Variants in GPC5 observed in about 807,000 individuals in gnomAD.
GPC5 encodes the protein glypican-5.
GPC5 carries 47 observed loss-of-function variants against 53.9 expected under a neutral mutation model. The observed-to-expected ratio is 0.87, with a 90% CI of 0.69 to 1.11. The LOEUF (loss-of-function observed/expected upper bound fraction) is 1.11. GPC5 is among the 50% of genes most tolerant of loss of function. The pLI is 0.00. For synonymous variants in GPC5, 286 were observed against 263.3 expected (o/e 1.09, Z -0.84); for missense variants, 748 against 713.1 (o/e 1.05, Z -0.56).
At chr13:92,035,705 T>G (rs1014240009) in intron 6 of GPC5, among the ~76,000 whole-genome samples, 1 of 151,566 alleles carries the variant, frequency 6.6e-6, no homozygotes, top group Admixed American at 6.6e-5. Context: ...TTCAAAAAAT[T>G]TCTTAAAATG....
intron 7 of GPC5, among the ~76,000 whole-genome samples, chr13:92,290,847 G>T (rs1441678961): frequency 6.6e-6 from 1 of 152,196 alleles, no homozygotes; most frequent in South Asian, 2.1e-4. Context: ...GGGTTGGCCA[G>T]GGCTGGAGCT....
chr13:91,538,185 C>G (rs1886675309), intron 2 of GPC5, among the ~76,000 whole-genome samples: 1 of 152,208 alleles, frequency 6.6e-6, no homozygotes, highest in Admixed American at 6.5e-5. Context: ...CCACTTCATT[C>G]TATCTAACCA....
At chr13:92,346,899 C>T (rs1199894357) in intron 7 of GPC5, among the ~76,000 whole-genome samples, 1 of 151,950 alleles carries the variant, frequency 6.6e-6, no homozygotes, top group Non-Finnish European at 1.5e-5. Context: ...AATGATTGAA[C>T]TGAAAAATTA....
intron 4 of GPC5, among the ~76,000 whole-genome samples, chr13:91,752,125 CTCTTCG>C (rs1408525019): frequency 2.0e-5 from 3 of 152,310 alleles, no homozygotes; most frequent in Admixed American, 1.3e-4. Flanking sequence ...TCCCTGGTAT[CTCTTCG>C]TCTTCTTATA....
chr13:91,451,620 G>GT (rs5805694), intron 2 of GPC5, among the ~76,000 whole-genome samples: 98,491 of 148,120 alleles, frequency 0.66, 33,057 homozygotes, highest in African/African-American at 0.76. Flanking sequence ...CTGTTTGTTT[G>GT]TTTTTTTTTT....
chr13:92,238,281 GAGTAGCTTC>G (rs1355646976), intron 7 of GPC5, among the ~76,000 whole-genome samples: 1 of 151,904 alleles, frequency 6.6e-6, no homozygotes, highest in Non-Finnish European at 1.5e-5. Flanking sequence ...CTGCTGTACA[GAGTAGCTTC>G]ATCACTTTAT....
chr13:92,736,798 C>T lies in GPC5; in HGVS notation c.1562-129484C>T, dbSNP rs1251588066. ...GTTTACTCTATGTTCAGAACTATAG[C>T]TGTAGCCTATTTTTTTTTTAAAGGA... On this transcript the variant is annotated intron_variant, in intron 7 of 7. Transcript: ENST00000377067. Among the ~76,000 whole-genome samples the T allele has an allele frequency of 2.0e-5, 3 of 147,532 alleles. No homozygotes were observed. In the East Asian group the frequency reaches 6.4e-4, roughly 31 times the overall value.
intron 2 of GPC5, among the ~76,000 whole-genome samples, chr13:91,497,040 A>G (rs2139277839): frequency 6.6e-6 from 1 of 152,236 alleles, no homozygotes; most frequent in South Asian, 2.1e-4. Context: ...ATACGTGCAA[A>G]AATTAATATG....
At chr13:92,473,467 G>A (rs1384708019) in intron 7 of GPC5, among the ~76,000 whole-genome samples, 4 of 152,096 alleles carry the variant, frequency 2.6e-5, no homozygotes, top group Admixed American at 1.3e-4. Flanking sequence ...TAATGGTCTG[G>A]TGTGCTGACC....
At chr13:92,759,921 G>T (rs1875090530) in intron 7 of GPC5, among the ~76,000 whole-genome samples, 1 of 152,030 alleles carries the variant, frequency 6.6e-6, no homozygotes, top group South Asian at 2.1e-4. Flanking sequence ...TTTTTATCAA[G>T]AAAGGATGTC....
intron 5 of GPC5, among the ~76,000 whole-genome samples, chr13:91,889,927 C>A (rs767338105): frequency 3.3e-5 from 5 of 152,050 alleles, no homozygotes; most frequent in Non-Finnish European, 1.5e-5. Context: ...AAGGTGTCAA[C>A]CTAAATAACA....
intron 2 of GPC5, among the ~76,000 whole-genome samples, chr13:91,586,564 AG>A (rs1412148476): frequency 0.04 from 1,767 of 44,730 alleles, 221 homozygotes; most frequent in African/African-American, 0.28. Context: ...ATATATATGT[AG>A]AGAGAGAGAG....
chr13:91,576,355 C>G (rs2032136444), intron 2 of GPC5, among the ~76,000 whole-genome samples: 1 of 151,338 alleles, frequency 6.6e-6, no homozygotes, highest in South Asian at 2.1e-4. Flanking sequence ...CTGTTGTACA[C>G]CACAAATATA....
At chr13:92,278,105 A>C (rs1370894260) in intron 7 of GPC5, among the ~76,000 whole-genome samples, 17 of 151,884 alleles carry the variant, frequency 1.1e-4, no homozygotes, top group Admixed American at 1.0e-3. Flanking sequence ...TATTAGTTTT[A>C]ATTTTTAAAC....
At chr13:92,848,622 T>C (rs1878686856) in intron 7 of GPC5, among the ~76,000 whole-genome samples, 1 of 152,110 alleles carries the variant, frequency 6.6e-6, no homozygotes, top group African/African-American at 2.4e-5. Flanking sequence ...CATATAGACA[T>C]ATATGACTCT....
chr13:92,297,745 A>G (rs2043047067), intron 7 of GPC5, among the ~76,000 whole-genome samples: 1 of 152,226 alleles, frequency 6.6e-6, no homozygotes. Flanking sequence ...GCCAGATAAG[A>G]GAATAAAAGC....
At chr13:92,468,830 T>C (rs1878801210) in intron 7 of GPC5, among the ~76,000 whole-genome samples, 1 of 152,114 alleles carries the variant, frequency 6.6e-6, no homozygotes, top group Non-Finnish European at 1.5e-5. Flanking sequence ...TCAAGTGTCA[T>C]CCTGTACCCA....
intron 7 of GPC5, among the ~76,000 whole-genome samples, chr13:92,821,893 T>A (rs2138810843): frequency 6.6e-6 from 1 of 152,222 alleles, no homozygotes; most frequent in East Asian, 1.9e-4. Flanking sequence ...CCAGAGATTT[T>A]GTATTGCCCT....
chr13:92,820,200 C>G (rs936319723), intron 7 of GPC5, among the ~76,000 whole-genome samples: 2 of 152,092 alleles, frequency 1.3e-5, no homozygotes, highest in Non-Finnish European at 2.9e-5. Context: ...CAATCCAGAC[C>G]CCAGCCTGCT....
Sources: allele counts gnomAD v4.1 joint callset (sites outside exome capture counted in the v4.1 genomes callset), GRCh38; gene constraint gnomAD v4.1.1; transcripts MANE v1.5; gene names NCBI Gene and HGNC (gene_info 2026-07-23, HGNC 2026-07-21).